Variants in MAF observed in about 807,000 individuals in gnomAD.
The protein encoded by MAF is MAF bZIP transcription factor.
MAF carries 10 observed loss-of-function variants against 22.0 expected under a neutral mutation model. The observed-to-expected ratio is 0.45, with a 90% confidence interval of 0.28 to 0.77. The LOEUF (loss-of-function observed/expected upper bound fraction) is 0.77. MAF is among the 30% of genes least tolerant of loss of function. The pLI, the probability that MAF is intolerant of heterozygous loss-of-function variation, is 0.12. For synonymous variants in MAF, 337 were observed against 255.8 expected (o/e 1.32, Z -3.03); for missense variants, 544 against 548.4 (o/e 0.99, Z 0.08).
At chr16:79,392,659 G>A in the MAF span, among the ~76,000 whole-genome samples, 122 of 152,090 alleles carry the variant, frequency 8.0e-4, no homozygotes, top group Non-Finnish European at 1.2e-3. Context: ...ACAAATGAAC[G>A]AGGATTCAGA....
chr16:79,531,661 T>C, the MAF span, among the ~76,000 whole-genome samples: 1 of 152,076 alleles, frequency 6.6e-6, no homozygotes, highest in Non-Finnish European at 1.5e-5. Flanking sequence ...TGTACTCCTA[T>C]AAGAATCTTA....
chr16:79,225,833 C>T, the MAF span, among the ~76,000 whole-genome samples: 1 of 152,238 alleles, frequency 6.6e-6, no homozygotes, highest in South Asian at 2.1e-4. Flanking sequence ...AATGAGATAC[C>T]ATCTCACACC....
chr16:79,598,719 C>T lies in MAF; in HGVS notation c.1118+66G>A, dbSNP rs2143795705. Reference sequence around the variant, plus strand: ...CATGGCTCTAGAACTAGCAAGCCCACACCCGAGCCGGACCCCCGCGGAGCA... The same window carrying T: ...CATGGCTCTAGAACTAGCAAGCCCATACCCGAGCCGGACCCCCGCGGAGCA... On this transcript the variant is annotated intron_variant, in intron 1 of 1. Coordinates refer to ENST00000326043, the MANE Select transcript of MAF (RefSeq NM_005360.5). 1.9e-6 allele frequency: 3 copies of T among 1,606,264 alleles called. No individual in the cohort carries two copies. The South Asian group carries it at 3.3e-5, about 18-fold the overall frequency.
chr16:79,210,461 G>A, the MAF span, among the ~76,000 whole-genome samples: 1 of 152,148 alleles, frequency 6.6e-6, no homozygotes, highest in African/African-American at 2.4e-5. Context: ...GATAAGCTTT[G>A]GGTCGGGTCG....
the MAF span, among the ~76,000 whole-genome samples, chr16:79,489,131 C>A: frequency 1.3e-5 from 2 of 152,190 alleles, no homozygotes; most frequent in South Asian, 2.1e-4. Context: ...ACCCATCCAT[C>A]CACTCATCCA....
chr16:79,258,073 G>A, the MAF span, among the ~76,000 whole-genome samples: 3 of 152,270 alleles, frequency 2.0e-5, no homozygotes, highest in East Asian at 1.9e-4. Flanking sequence ...GCTGCTTTGC[G>A]TGTTTAACCT....
chr16:79,526,175 A>G, the MAF span, among the ~76,000 whole-genome samples: 12 of 152,272 alleles, frequency 7.9e-5, no homozygotes, highest in South Asian at 8.3e-4. Context: ...GCAGTCCCCA[A>G]TCTTTTTGGC....
At chr16:79,571,459 T>G in the MAF span, among the ~76,000 whole-genome samples, 1 of 151,446 alleles carries the variant, frequency 6.6e-6, no homozygotes, top group Non-Finnish European at 1.5e-5. Flanking sequence ...AGTGGTCATT[T>G]CCACCACTCC....
At chr16:79,410,871 G>C in the MAF span, among the ~76,000 whole-genome samples, 1 of 152,224 alleles carries the variant, frequency 6.6e-6, no homozygotes, top group Non-Finnish European at 1.5e-5. Context: ...AGAGAGGCCA[G>C]AGATAACCCT....
chr16:79,211,276 C>T, the MAF span, among the ~76,000 whole-genome samples: 3 of 152,228 alleles, frequency 2.0e-5, no homozygotes, highest in East Asian at 3.9e-4. Flanking sequence ...TGTTCTTGCA[C>T]GTTCAGAAGG....
chr16:79,215,120 G>T, the MAF span, among the ~76,000 whole-genome samples: 3,319 of 152,244 alleles, frequency 0.022, 124 homozygotes, highest in African/African-American at 0.076. Flanking sequence ...TGTCCATACA[G>T]CTCATAAATT....
At chr16:79,525,569 A>C in the MAF span, among the ~76,000 whole-genome samples, 1 of 152,198 alleles carries the variant, frequency 6.6e-6, no homozygotes, top group Non-Finnish European at 1.5e-5. Flanking sequence ...TTAAACCCTT[A>C]AGATCCCCTT....
the MAF span, among the ~76,000 whole-genome samples, chr16:79,407,841 A>G: frequency 6.6e-6 from 1 of 152,054 alleles, no homozygotes; most frequent in Non-Finnish European, 1.5e-5. Context: ...TGAATGCCTC[A>G]ATTCCTGTGC....
At chr16:79,336,368 G>A in the MAF span, among the ~76,000 whole-genome samples, 2 of 152,194 alleles carry the variant, frequency 1.3e-5, no homozygotes, top group East Asian at 3.9e-4. Context: ...ACTTGCCCAA[G>A]GTCACATAGC....
chr16:79,473,130 C>A, the MAF span, among the ~76,000 whole-genome samples: 1 of 152,106 alleles, frequency 6.6e-6, no homozygotes, highest in Non-Finnish European at 1.5e-5. Flanking sequence ...GCCATCTGGT[C>A]GTTCACACCC....
the MAF span, among the ~76,000 whole-genome samples, chr16:79,296,271 T>C: frequency 2.1e-4 from 32 of 152,196 alleles, no homozygotes; most frequent in Admixed American, 3.9e-4. Context: ...TTAAAAGACC[T>C]ATACAGGTTG....
At chr16:79,507,035 C>A in the MAF span, among the ~76,000 whole-genome samples, 4 of 151,940 alleles carry the variant, frequency 2.6e-5, no homozygotes, top group Admixed American at 2.6e-4. Context: ...ATCTTTCTTC[C>A]TATCTGTCAA....
chr16:79,553,707 G>A, the MAF span, among the ~76,000 whole-genome samples: 16 of 152,288 alleles, frequency 1.1e-4, no homozygotes, highest in South Asian at 4.1e-4. Flanking sequence ...TTGAAAGGGC[G>A]TCTAGCATGG....
chr16:79,246,764 T>G, the MAF span, among the ~76,000 whole-genome samples: 1 of 152,146 alleles, frequency 6.6e-6, no homozygotes, highest in Non-Finnish European at 1.5e-5. Context: ...ACATTGGAAC[T>G]TTACCCAAGA....
Sources: allele counts gnomAD v4.1 joint callset (sites outside exome capture counted in the v4.1 genomes callset), GRCh38; gene constraint gnomAD v4.1.1; transcripts MANE v1.5; gene names NCBI Gene and HGNC (gene_info 2026-07-23, HGNC 2026-07-21).